ARMH1: variants seen among roughly 807,000 people sequenced by gnomAD.
ARMH1 encodes armadillo like helical domain containing 1, also known as armadillo-like helical domain containing protein 1.
ARMH1 carries 34 observed loss-of-function variants against 50.2 expected under a neutral mutation model. The ratio of observed to expected loss-of-function variants is 0.68; its 90% CI spans 0.51 to 0.90. The LOEUF (loss-of-function observed/expected upper bound fraction) is 0.90. Among genes scored for constraint, ARMH1 ranks in the 40% least tolerant of loss-of-function variants. The probability of loss-of-function intolerance (pLI) is 0.00; values close to 1 mark genes in which losing one functional copy is unlikely to be tolerated. For synonymous variants in ARMH1, 221 were observed against 224.2 expected, an observed-to-expected ratio of 0.99 and a Z score of 0.13; for missense variants, 538 against 553.9, an observed-to-expected ratio of 0.97 and a Z score of 0.29.
chr1:44,687,484 A>T (rs1345678645), intron 1 of ARMH1, among the ~76,000 whole-genome samples: 2 of 152,224 alleles, frequency 1.3e-5, no homozygotes, highest in Non-Finnish European at 2.9e-5. Flanking sequence ...ACAGCAGAAA[A>T]AATAGCCAAA....
chr1:44,724,618 G>A lies in ARMH1; in HGVS notation c.1000G>A (p.Gly334Ser). 1 of 1,513,966 alleles carries A rather than the reference G, an allele frequency of 6.6e-7. No homozygotes were observed. Among genetic ancestry groups the A allele is most frequent in the Non-Finnish European group, 8.8e-7 (1 of 1,134,462 alleles). 93.8% of individuals were successfully genotyped at this position (1,513,966 alleles called of 1,614,324 possible). A position where few individuals can be genotyped will look rare whatever the true frequency, so the allele number is the denominator to read the frequency against. ...RVVRGLMAAMGNTDHSNSQRL... is the reference protein window; with the variant it reads ...RVVRGLMAAMSNTDHSNSQRL... Reference sequence around the variant, plus strand: ...GGTGCGTGGCCTAATGGCCGCCATGGGCAACACGGACCACAGCAACAGCCA... The same window carrying A: ...GGTGCGTGGCCTAATGGCCGCCATGAGCAACACGGACCACAGCAACAGCCA... Residue 334 changes from glycine (G) to serine (S), a missense_variant, in exon 9 of 12, where the codon GGC (glycine) becomes AGC (serine). By Grantham distance (56) the Gly-to-Ser change is moderately conservative. Coordinates refer to ENST00000535358, the MANE Select transcript of ARMH1 (RefSeq NM_001145636.2). The surrounding 1 kb of genome is among the most constrained non-coding windows in gnomAD (Gnocchi z 6.4).
intron 6 of ARMH1, 137 bp from the exon 7 acceptor site, chr1:44,723,985 C>T (rs1264690857): frequency 8.7e-7 from 1 of 1,150,514 alleles, no homozygotes; most frequent in Non-Finnish European, 1.2e-6. Flanking sequence ...GCCTTCCCAG[C>T]TCCCCCACGC....
chr1:44,675,540 G>A (rs1208351140), intron 1 of ARMH1, among the ~76,000 whole-genome samples: 1 of 152,114 alleles, frequency 6.6e-6, no homozygotes, highest in East Asian at 1.9e-4. Context: ...GCGCATGCCT[G>A]AAGTCCCAGC....
Position 44,692,978 on chromosome 1 carries a change from T to C in ARMH1, c.206+3075T>C, listed in dbSNP as rs1645708126. 4 of 152,280 alleles carry C rather than the reference T, an allele frequency of 2.6e-5. 1 individual carries two copies. The highest frequency in any genetic ancestry group is 6.8e-3 in the Middle Eastern group (2 of 296). 9.4% of individuals were successfully genotyped at this position (152,280 alleles called of 1,614,324 possible). ...AGCTGGTCTCAAACTCCTGGCCTCA[T>C]GCGATCTTCCCACCTTAGCCTCCCA... On this transcript the variant is annotated intron_variant, in intron 2 of 11. Transcript: ENST00000535358.
intron 6 of ARMH1, among the ~76,000 whole-genome samples, chr1:44,705,545 C>T (rs1378584295): frequency 6.6e-6 from 1 of 151,782 alleles, no homozygotes; most frequent in South Asian, 2.1e-4. Context: ...CATAAGAGTA[C>T]AAACCCTGGT....
chr1:44,698,027 A>G, intron 3 of ARMH1, 36 bp from the exon 4 acceptor site: 1 of 1,489,642 alleles, frequency 6.7e-7, no homozygotes, highest in South Asian at 1.3e-5. Context: ...GAACTTGACA[A>G]GAGTTTTATT....
At chr1:44,707,981 G>C (rs1348073938) in intron 6 of ARMH1, among the ~76,000 whole-genome samples, 1 of 152,212 alleles carries the variant, frequency 6.6e-6, no homozygotes, top group African/African-American at 2.4e-5. Context: ...TCTGTTGAAT[G>C]AATGTATTAT....
intron 1 of ARMH1, among the ~76,000 whole-genome samples, chr1:44,686,547 A>G (rs1031120068): frequency 6.6e-6 from 1 of 152,094 alleles, no homozygotes; most frequent in African/African-American, 2.4e-5. Context: ...GTGGTGGCAC[A>G]TGCCTGTAAT....
intron 6 of ARMH1, among the ~76,000 whole-genome samples, chr1:44,712,535 C>CAAA (rs35480137): frequency 4.2e-4 from 27 of 64,762 alleles, no homozygotes; most frequent in South Asian, 1.1e-3. Context: ...CAGGGAACCG[C>CAAA]AAAAAAAAAA....
intron 1 of ARMH1, among the ~76,000 whole-genome samples, chr1:44,676,927 G>T (rs1215454982): frequency 6.6e-6 from 1 of 152,058 alleles, no homozygotes; most frequent in Non-Finnish European, 1.5e-5. Flanking sequence ...ACTGAGAATG[G>T]TGCCCTTGAA....
intron 4 of ARMH1, among the ~76,000 whole-genome samples, chr1:44,700,120 A>G (rs186098490): frequency 5.9e-5 from 9 of 151,798 alleles, no homozygotes; most frequent in Non-Finnish European, 8.8e-5. Flanking sequence ...GTGAGCCACA[A>G]CGCCTGACGA....
rs1488587244 is a variant in ARMH1, at chr1:44,700,979, GA to G, written c.501del (p.Val168CysfsTer23). ...GTCTAAGTCAGAAGAGACCCAGGAG[GA>G]AGTGCAGGTTCTGTTGGATTCTTTG... ...AKSKSEETQE[E>X]VQVLLDSLVH... On this transcript the variant is annotated frameshift_variant, in exon 5 of 12. Transcript: ENST00000535358. LOFTEE classifies it high-confidence loss of function. 15 of 1,551,532 alleles carry G rather than the reference GA, an allele frequency of 9.7e-6. No individual in the cohort carries two copies. Among genetic ancestry groups the G allele is most frequent in the Non-Finnish European group, 1.1e-5 (13 of 1,146,996 alleles).
chr1:44,682,129 G>A lies in ARMH1; in HGVS notation c.-23+7256G>A, dbSNP rs1181276342. Reference sequence around the variant, plus strand: ...AATCTGTTTAATTAACTAATGTGCAGAGCTAAGGAAATTAAAGTGCACATT... The same window carrying A: ...AATCTGTTTAATTAACTAATGTGCAAAGCTAAGGAAATTAAAGTGCACATT... On this transcript the variant is annotated intron_variant, in intron 1 of 11. Transcript: ENST00000535358. This position sits in a 1 kb window ranked among gnomAD's most constrained non-coding sequence, Gnocchi z 4.5. Among the ~76,000 whole-genome samples the A allele has an allele frequency of 6.6e-6, 1 of 152,208 alleles. No individual in the cohort carries two copies. The highest frequency in any genetic ancestry group is 1.5e-5 in the Non-Finnish European group (1 of 68,042).
intron 2 of ARMH1, among the ~76,000 whole-genome samples, chr1:44,692,449 C>T (rs746901272): frequency 6.6e-6 from 1 of 152,118 alleles, no homozygotes; most frequent in Non-Finnish European, 1.5e-5. Flanking sequence ...CTTAATATCT[C>T]TCTTTCCCCC....
At chr1:44,680,770 GC>G (rs549524553) in intron 1 of ARMH1, among the ~76,000 whole-genome samples, 16 of 152,166 alleles carry the variant, frequency 1.1e-4, no homozygotes, top group African/African-American at 3.1e-4. Flanking sequence ...GCGCTTGATG[GC>G]CCCTATATTC....
At chr1:44,707,590 C>T (rs944551323) in intron 6 of ARMH1, among the ~76,000 whole-genome samples, 1 of 152,122 alleles carries the variant, frequency 6.6e-6, no homozygotes, top group African/African-American at 2.4e-5. Flanking sequence ...TCACCATGCC[C>T]AGTTAATTCT....
rs183872942 is a variant in ARMH1 at position 44,710,017 on chromosome 1, G to A, written c.724+5844G>A. On this transcript the variant is annotated intron_variant, in intron 6 of 11. Transcript: ENST00000535358. ...AATGATCATTTCATATATTAATAGC[G>A]AAGTTGAAAGTATGGTTCATCAGCC... Among the ~76,000 whole-genome samples the A allele has an allele frequency of 1.3e-3, 195 of 152,194 alleles. 1 individual carries two copies. Among genetic ancestry groups the A allele is most frequent in the Admixed American group, 4.5e-3 (69 of 15,290 alleles).
chr1:44,706,497 G>C (rs1646348954), intron 6 of ARMH1, among the ~76,000 whole-genome samples: 1 of 152,150 alleles, frequency 6.6e-6, no homozygotes, highest in Admixed American at 6.5e-5. Context: ...GAGAGCATAA[G>C]GAGCAGCCAG....
At chr1:44,675,085 A>G (rs1645090934) in intron 1 of ARMH1, among the ~76,000 whole-genome samples, 1 of 152,080 alleles carries the variant, frequency 6.6e-6, no homozygotes, top group Non-Finnish European at 1.5e-5. Context: ...ATATTTACAT[A>G]CTATGTGCCA....
Sources: gnomAD v4.1 joint callset for allele counts (sites outside exome capture counted in the v4.1 genomes callset) on GRCh38, gnomAD v4.1.1 for gene constraint, Gnocchi (gnomAD v3.1) non-coding constraint, MANE v1.5 for transcripts, NCBI Gene and HGNC (gene_info 2026-07-23, HGNC 2026-07-21) for gene names.